Variants in NCOA1 observed in about 807,000 individuals in gnomAD.
NCOA1 encodes Hin-2 protein.
NCOA1 carries 35 observed loss-of-function variants against 150.9 expected under a neutral mutation model. The ratio of observed to expected loss-of-function variants is 0.23; its 90% CI spans 0.18 to 0.31. The LOEUF is 0.31. Among genes scored for constraint, NCOA1 ranks in the 10% least tolerant of loss-of-function variants. The pLI is 1.00. For synonymous variants in NCOA1, 590 were observed against 630.0 expected (o/e 0.94, Z 0.95); for missense variants, 1,491 against 1,749.3 (o/e 0.85, Z 2.63).
chr2:24,640,635 A>G (rs946545058), intron 3 of NCOA1, among the ~76,000 whole-genome samples: 1 of 152,142 alleles, frequency 6.6e-6, no homozygotes, highest in Admixed American at 6.5e-5. Flanking sequence ...CCCCATCTCT[A>G]AAACAATTAA....
intron 3 of NCOA1, among the ~76,000 whole-genome samples, chr2:24,639,646 T>C (rs944886475): frequency 1.3e-5 from 2 of 151,874 alleles, no homozygotes; most frequent in Non-Finnish European, 2.9e-5. Context: ...CCCAGCACTT[T>C]GGGAGGCCGA....
intron 1 of NCOA1, among the ~76,000 whole-genome samples, chr2:24,550,443 C>A (rs1355933070): frequency 6.6e-6 from 1 of 152,184 alleles, no homozygotes; most frequent in Non-Finnish European, 1.5e-5. Flanking sequence ...TCACATCTTA[C>A]ATGGATGGCA....
chr2:24,689,678 G>A (rs532964718), intron 8 of NCOA1, among the ~76,000 whole-genome samples: 17 of 152,200 alleles, frequency 1.1e-4, no homozygotes, highest in East Asian at 3.9e-4. Flanking sequence ...GGCGTGAGCC[G>A]CCACGCGTGG....
intron 1 of NCOA1, among the ~76,000 whole-genome samples, chr2:24,527,197 T>C (rs915708773): frequency 6.6e-6 from 1 of 152,162 alleles, no homozygotes; most frequent in Non-Finnish European, 1.5e-5. Context: ...ATCTACTCTT[T>C]GAGCAAAAAT....
At chr2:24,534,687 T>C (rs1439521565) in intron 1 of NCOA1, among the ~76,000 whole-genome samples, 1 of 152,240 alleles carries the variant, frequency 6.6e-6, no homozygotes, top group African/African-American at 2.4e-5. Flanking sequence ...TCTTTATTTC[T>C]GCCTTCATTT....
At chr2:24,623,925 A>G (rs918023013) in intron 3 of NCOA1, among the ~76,000 whole-genome samples, 1 of 152,196 alleles carries the variant, frequency 6.6e-6, no homozygotes, top group Non-Finnish European at 1.5e-5. Context: ...AGAACTTCAC[A>G]TATAAACTTG....
intron 13 of NCOA1, among the ~76,000 whole-genome samples, chr2:24,709,227 T>C (rs1464408254): frequency 6.6e-6 from 1 of 152,214 alleles, no homozygotes; most frequent in Non-Finnish European, 1.5e-5. Context: ...TGTGCACATG[T>C]GTATGTATTT....
At chr2:24,746,659 G>A (rs1226965738) in intron 19 of NCOA1, among the ~76,000 whole-genome samples, 3 of 152,198 alleles carry the variant, frequency 2.0e-5, no homozygotes, top group African/African-American at 2.4e-5. Context: ...GCAGAACTGG[G>A]ACCAGAACTC....
chr2:24,500,875 G>A (rs12478071), intron 1 of NCOA1, among the ~76,000 whole-genome samples: 100,743 of 152,086 alleles, frequency 0.66, 36,414 homozygotes, highest in East Asian at 0.86. Flanking sequence ...AATGCTGTAG[G>A]GAAAGGATAT....
chr2:24,618,179 A>G (rs917421061), intron 3 of NCOA1, among the ~76,000 whole-genome samples: 2 of 152,208 alleles, frequency 1.3e-5, no homozygotes, highest in Admixed American at 6.5e-5. Flanking sequence ...ACACATGCAG[A>G]CAATTTGGCC....
At chr2:24,726,828 A>C in intron 15 of NCOA1, 122 bp downstream of exon 15, 1 of 405,890 alleles carries the variant, frequency 2.5e-6, no homozygotes. Context: ...AGATGTAAAT[A>C]CTTACTAAAA....
chr2:24,565,108 A>G (rs572749639), intron 2 of NCOA1, among the ~76,000 whole-genome samples: 2 of 152,352 alleles, frequency 1.3e-5, no homozygotes, highest in African/African-American at 4.8e-5. Flanking sequence ...AAACCAAGAT[A>G]TTTAACTAAA....
intron 1 of NCOA1, among the ~76,000 whole-genome samples, chr2:24,562,720 A>G (rs1421051922): frequency 1.3e-5 from 2 of 152,196 alleles, no homozygotes; most frequent in Non-Finnish European, 2.9e-5. Context: ...TGATTGGATT[A>G]GGAGTTTGAG....
chr2:24,746,060 C>G (rs180800523), intron 19 of NCOA1, among the ~76,000 whole-genome samples: 19 of 152,316 alleles, frequency 1.2e-4, no homozygotes, highest in Admixed American at 7.8e-4. Flanking sequence ...ATAGCAAGTT[C>G]CTTACGTGAG....
chr2:24,557,079 A>G (rs1040941855), intron 1 of NCOA1, among the ~76,000 whole-genome samples: 2 of 149,100 alleles, frequency 1.3e-5, no homozygotes, highest in African/African-American at 5.0e-5. Context: ...TGCCTACTAG[A>G]TGAGAGTAGC....
intron 2 of NCOA1, among the ~76,000 whole-genome samples, chr2:24,569,746 C>T (rs1228273803): frequency 4.0e-5 from 6 of 149,576 alleles, no homozygotes; most frequent in Non-Finnish European, 8.9e-5. Context: ...GGCAGGCGCC[C>T]GTAATCCCAG....
intron 1 of NCOA1, among the ~76,000 whole-genome samples, chr2:24,527,671 GTA>G (rs1664707238): frequency 1.3e-5 from 2 of 152,132 alleles, no homozygotes; most frequent in African/African-American, 2.4e-5. Context: ...TCTCCTTTGT[GTA>G]TATAACCAGA....
chr2:24,725,199 A>T (rs1412296462), intron 14 of NCOA1, among the ~76,000 whole-genome samples: 1 of 152,108 alleles, frequency 6.6e-6, no homozygotes, highest in African/African-American at 2.4e-5. Flanking sequence ...GAGAAATTCT[A>T]CCTCAATAAG....
At chr2:24,706,500 T>C in intron 12 of NCOA1, 68 bp from the exon 13 acceptor site, 3 of 1,460,460 alleles carry the variant, frequency 2.1e-6, no homozygotes, top group Non-Finnish European at 2.7e-6. Context: ...TTTTAGAATA[T>C]GTATCATAAA....
Sources: gnomAD v4.1 joint callset for allele counts (sites outside exome capture counted in the v4.1 genomes callset) on GRCh38, gnomAD v4.1.1 for gene constraint, MANE v1.5 for transcripts, NCBI Gene and HGNC (gene_info 2026-07-23, HGNC 2026-07-21) for gene names.